The following CSMD1 variants were observed in gnomAD, a reference collection of about 807,000 sequenced individuals.
The protein encoded by CSMD1 is CUB and sushi domain-containing protein 1.
CSMD1 carries 213 observed loss-of-function variants against 417.5 expected under a neutral mutation model. The ratio of observed to expected loss-of-function variants is 0.51; its 90% CI spans 0.46 to 0.57. The LOEUF is 0.57. Among genes scored for constraint, CSMD1 ranks in the 20% least tolerant of loss-of-function variants. The probability of loss-of-function intolerance (pLI) is 0.00; values close to 1 mark genes in which losing one functional copy is unlikely to be tolerated. For synonymous variants in CSMD1, 2,862 were observed against 1,736.8 expected, an observed-to-expected ratio of 1.65 and a Z score of -16.11; for missense variants, 6,923 against 4,529.7, an observed-to-expected ratio of 1.53 and a Z score of -15.17.
intron 1 of CSMD1, among the ~76,000 whole-genome samples, chr8:4,718,529 G>A (rs1385794018): frequency 6.6e-6 from 1 of 151,802 alleles, no homozygotes; most frequent in Admixed American, 6.6e-5. Context: ...TTTACATTAA[G>A]TACTAGCTAA....
chr8:4,892,673 C>G (rs1370171122), intron 1 of CSMD1, among the ~76,000 whole-genome samples: 2 of 151,986 alleles, frequency 1.3e-5, no homozygotes, highest in African/African-American at 2.4e-5. Flanking sequence ...CTTATGTTTT[C>G]TATGCATTCA....
At chr8:3,946,105 G>A (rs562818280) in intron 5 of CSMD1, among the ~76,000 whole-genome samples, 4 of 152,206 alleles carry the variant, frequency 2.6e-5, no homozygotes, top group African/African-American at 9.6e-5. Flanking sequence ...TTTATCGCTT[G>A]CACCTTGGAA....
chr8:4,778,009 A>G (rs1309946867), intron 1 of CSMD1, among the ~76,000 whole-genome samples: 2 of 152,210 alleles, frequency 1.3e-5, no homozygotes, highest in Non-Finnish European at 2.9e-5. Context: ...AAATTCTTAA[A>G]TATATTCCCG....
intron 2 of CSMD1, among the ~76,000 whole-genome samples, chr8:4,436,167 T>TTCAGTG (rs1798138863): frequency 6.6e-6 from 1 of 152,172 alleles, no homozygotes; most frequent in South Asian, 2.1e-4. Flanking sequence ...AGAGTTAGAT[T>TTCAGTG]TCAGTGTCTC....
At chr8:3,427,049 AACTC>A (rs1352436224) in intron 12 of CSMD1, among the ~76,000 whole-genome samples, 3 of 152,130 alleles carry the variant, frequency 2.0e-5, no homozygotes, top group Non-Finnish European at 4.4e-5. Flanking sequence ...ATCTCATGAG[AACTC>A]ACTCACTATC....
intron 1 of CSMD1, among the ~76,000 whole-genome samples, chr8:4,984,315 G>A (rs1450608115): frequency 3.9e-5 from 6 of 152,212 alleles, no homozygotes; most frequent in Admixed American, 3.9e-4. Context: ...CATGAGAGTA[G>A]AAAGGAGCAA....
At chr8:4,121,566 A>C (rs573689706) in intron 3 of CSMD1, among the ~76,000 whole-genome samples, 1 of 148,558 alleles carries the variant, frequency 6.7e-6, no homozygotes, top group Non-Finnish European at 1.5e-5. Context: ...AATGTAATCA[A>C]TCTTTTATTT....
At chr8:3,924,380 T>C (rs79730852) in intron 5 of CSMD1, among the ~76,000 whole-genome samples, 6,239 of 152,238 alleles carry the variant, frequency 0.041, 279 homozygotes, top group African/African-American at 0.11. Flanking sequence ...ATTTAATTCA[T>C]TGGGCTTCAT....
At chr8:4,077,297 G>GTA (rs200304943) in intron 3 of CSMD1, among the ~76,000 whole-genome samples, 4,914 of 121,074 alleles carry the variant, frequency 0.041, 147 homozygotes, top group African/African-American at 0.077. Context: ...ATATATATGT[G>GTA]TATATATATA....
At chr8:4,584,552 G>C (rs62486683) in intron 2 of CSMD1, among the ~76,000 whole-genome samples, 1 of 152,086 alleles carries the variant, frequency 6.6e-6, no homozygotes, top group Non-Finnish European at 1.5e-5. Flanking sequence ...GGTTTGCCTA[G>C]AACCAGCTTC....
chr8:4,296,819 A>C (rs1305470281), intron 3 of CSMD1, among the ~76,000 whole-genome samples: 1 of 150,234 alleles, frequency 6.7e-6, no homozygotes, highest in African/African-American at 2.5e-5. Context: ...TATTGTATTC[A>C]TCTGAAGATA....
chr8:3,601,387 T>A (rs1036379380), intron 8 of CSMD1, among the ~76,000 whole-genome samples: 7 of 152,218 alleles, frequency 4.6e-5, no homozygotes, highest in Non-Finnish European at 7.3e-5. Flanking sequence ...GGTTTCCATA[T>A]ACATTATCAG....
At chr8:3,875,013 T>G (rs548482290) in intron 5 of CSMD1, among the ~76,000 whole-genome samples, 11 of 151,764 alleles carry the variant, frequency 7.2e-5, no homozygotes, top group African/African-American at 2.4e-4. Context: ...TCAAGAAGAA[T>G]GGATGCAAGC....
intron 3 of CSMD1, among the ~76,000 whole-genome samples, chr8:4,193,722 G>A (rs1007377957): frequency 4.6e-5 from 7 of 152,128 alleles, no homozygotes; most frequent in East Asian, 3.9e-4. Flanking sequence ...CAGGAACCAC[G>A]TCTCCACAGG....
rs545929603 is a variant in CSMD1, at chr8:4,192,486, C to A, written c.416-160387G>T. ...TCTCGGTAGCACTGATGTTGACCAC[C>A]ACATAAACTAAAGCCCGTTTAAGAC... On this transcript the variant is annotated intron_variant, in intron 3 of 69. Coordinates refer to ENST00000635120, the MANE Select transcript of CSMD1 (RefSeq NM_033225.6). Among the ~76,000 whole-genome samples the A allele has an allele frequency of 3.9e-5, 6 of 152,154 alleles. No individual in the cohort carries two copies. In the South Asian group the frequency reaches 1.2e-3, roughly 32 times the overall value.
At chr8:4,792,128 T>G (rs1415925170) in intron 1 of CSMD1, among the ~76,000 whole-genome samples, 1 of 152,158 alleles carries the variant, frequency 6.6e-6, no homozygotes, top group Non-Finnish European at 1.5e-5. Context: ...ACAGAATCTC[T>G]CTCCTTATTT....
intron 3 of CSMD1, among the ~76,000 whole-genome samples, chr8:4,350,701 G>A (rs971615567): frequency 1.3e-5 from 2 of 152,224 alleles, no homozygotes; most frequent in South Asian, 2.1e-4. Context: ...TGTCAAGGTT[G>A]TCCACTTCTC....
intron 3 of CSMD1, among the ~76,000 whole-genome samples, chr8:4,172,388 C>A (rs901859855): frequency 1.3e-5 from 2 of 152,020 alleles, no homozygotes; most frequent in African/African-American, 4.8e-5. Flanking sequence ...AAATCCAAAT[C>A]TAAATAGCCA....
intron 5 of CSMD1, among the ~76,000 whole-genome samples, chr8:3,772,227 A>T (rs555281210): frequency 6.9e-6 from 1 of 145,514 alleles, no homozygotes; most frequent in African/African-American, 2.5e-5. Flanking sequence ...TATAATACAC[A>T]CACATATTTA....
Sources: gnomAD v4.1 joint callset for allele counts (sites outside exome capture counted in the v4.1 genomes callset) on GRCh38, gnomAD v4.1.1 for gene constraint, MANE v1.5 for transcripts, NCBI Gene and HGNC (gene_info 2026-07-23, HGNC 2026-07-21) for gene names.